The following RAD51B variants were observed in gnomAD, a reference collection of about 807,000 sequenced individuals.
RAD51B encodes the protein RAD51 paralog B.
Under a neutral mutation model 42.2 loss-of-function variants are expected in RAD51B, and 38 were observed. The observed-to-expected ratio is 0.90, with a 90% CI of 0.70 to 1.18. The LOEUF (loss-of-function observed/expected upper bound fraction) is 1.18. Among genes scored for constraint, RAD51B ranks in the 50% most tolerant of loss-of-function variants. RAD51B has a pLI of 0.00. For synonymous variants in RAD51B, 154 were observed against 145.2 expected (o/e 1.06, Z -0.43); for missense variants, 373 against 400.7 (o/e 0.93, Z 0.59).
At chr14:68,039,297 G>T (rs1023302818) in intron 7 of RAD51B, among the ~76,000 whole-genome samples, 1 of 151,744 alleles carries the variant, frequency 6.6e-6, no homozygotes, top group Non-Finnish European at 1.5e-5. Flanking sequence ...GTGTGGTGGC[G>T]CATGCCTGTA....
At chr14:68,007,248 A>T (rs1365422097) in intron 7 of RAD51B, among the ~76,000 whole-genome samples, 1 of 152,102 alleles carries the variant, frequency 6.6e-6, no homozygotes, top group Non-Finnish European at 1.5e-5. Context: ...CAGTGTATGG[A>T]TATACCACAT....
At chr14:67,947,267 T>A (rs541351158) in intron 7 of RAD51B, among the ~76,000 whole-genome samples, 17 of 152,236 alleles carry the variant, frequency 1.1e-4, no homozygotes, top group Non-Finnish European at 1.2e-4. Context: ...TCCAGTTGAT[T>A]AGCTTCTTGT....
chr14:68,351,012 C>T (rs1243251826), intron 8 of RAD51B, among the ~76,000 whole-genome samples: 2 of 152,202 alleles, frequency 1.3e-5, no homozygotes, highest in Non-Finnish European at 2.9e-5. Context: ...TTCAGTAGCT[C>T]CACTGAATTC....
Position 68,256,933 on chromosome 14 carries a change from C to A in RAD51B, c.757-34951C>A, listed in dbSNP as rs113174360. Among the ~76,000 whole-genome samples, 107 of 152,222 alleles carry A rather than the reference C, an allele frequency of 7.0e-4. 1 individual carries two copies. Among genetic ancestry groups the A allele is most frequent in the African/African-American group, 2.5e-3 (104 of 41,518 alleles). ...ACATAAGTATATTTCAAGAGCAAAG[C>A]TCATATTTTAACACTTTATTTCTGG... On this transcript the variant is annotated intron_variant, in intron 7 of 10. Transcript: ENST00000471583.
intron 7 of RAD51B, among the ~76,000 whole-genome samples, chr14:68,199,534 G>A (rs2079440637): frequency 6.6e-6 from 1 of 152,126 alleles, no homozygotes; most frequent in East Asian, 1.9e-4. Flanking sequence ...GAGTCTATAG[G>A]CTTGACAAAA....
At chr14:68,439,838 G>T (rs2085242459) in intron 9 of RAD51B, among the ~76,000 whole-genome samples, 1 of 152,224 alleles carries the variant, frequency 6.6e-6, no homozygotes. Context: ...TTCTCCAAAA[G>T]AGGTGTGTTG....
intron 10 of RAD51B, among the ~76,000 whole-genome samples, chr14:68,573,948 G>A (rs530219846): frequency 6.7e-6 from 1 of 148,400 alleles, no homozygotes; most frequent in African/African-American, 2.5e-5. Flanking sequence ...TGCTGTGTGT[G>A]TGGGGGTGTG....
chr14:68,109,589 T>C (rs1234838654), intron 7 of RAD51B, among the ~76,000 whole-genome samples: 1 of 152,024 alleles, frequency 6.6e-6, no homozygotes, highest in Non-Finnish European at 1.5e-5. Context: ...AATCCTCTGC[T>C]GTAGTTGCTA....
chr14:68,247,119 C>G (rs1327975678), intron 7 of RAD51B, among the ~76,000 whole-genome samples: 1 of 152,136 alleles, frequency 6.6e-6, no homozygotes, highest in African/African-American at 2.4e-5. Context: ...ATTCTACCAG[C>G]ATTAAGTACT....
chr14:68,169,431 A>G (rs2078822350), intron 7 of RAD51B, among the ~76,000 whole-genome samples: 1 of 152,178 alleles, frequency 6.6e-6, no homozygotes, highest in African/African-American at 2.4e-5. Context: ...ATTGGTCACT[A>G]ATTTTGCATA....
chr14:67,883,362 G>C lies in RAD51B; in HGVS notation c.453-2507G>C, dbSNP rs144491021. On this transcript the variant is annotated intron_variant, in intron 5 of 10. Coordinates refer to ENST00000471583, the MANE Select transcript of RAD51B (RefSeq NM_133510.4). ...AAAAAACAAAAACCACAGACCTAAAGGTCTTATGTGATCTTGGCCTTGGCT... is the reference window on the plus strand; with the variant it reads ...AAAAAACAAAAACCACAGACCTAAACGTCTTATGTGATCTTGGCCTTGGCT... Among the ~76,000 whole-genome samples the C allele has an allele frequency of 2.7e-5, 4 of 149,556 alleles. No homozygotes were observed. In the East Asian group the frequency reaches 7.8e-4, roughly 29 times the overall value.
chr14:68,370,480 A>G (rs1037804667), intron 8 of RAD51B, among the ~76,000 whole-genome samples: 3 of 152,222 alleles, frequency 2.0e-5, no homozygotes, highest in African/African-American at 7.2e-5. Context: ...TATCCTAAGC[A>G]TAATGCAAAG....
intron 7 of RAD51B, among the ~76,000 whole-genome samples, chr14:67,953,347 G>A (rs1038028976): frequency 2.0e-5 from 3 of 152,056 alleles, no homozygotes; most frequent in African/African-American, 7.2e-5. Flanking sequence ...TTTGGGAACA[G>A]GAAGCCTGAT....
chr14:68,440,082 T>G (rs1019655664), intron 9 of RAD51B, among the ~76,000 whole-genome samples: 13 of 152,194 alleles, frequency 8.5e-5, no homozygotes, highest in South Asian at 2.1e-4. Flanking sequence ...CACCTCAGAT[T>G]CTGTAAAGAG....
Position 67,865,122 on chromosome 14 carries a change from T to C in RAD51B, c.435T>C (p.Ser145=), listed in dbSNP as rs777629735. 2.2e-4 allele frequency: 351 copies of C among 1,600,150 alleles called. No homozygotes were observed. The highest frequency in any genetic ancestry group is 2.7e-4 in the Non-Finnish European group (321 of 1,174,194). ...CTGTGGTGTACATTGACACAGAGTC[T>C]GCATTTAGTGCTGAAAGGTATGAGA... ...EGAVVYIDTE[S]AFSAERLVEI... Residue 145 remains serine (S), a synonymous_variant, in exon 5 of 11, where the codon TCT becomes TCC. Coordinates refer to ENST00000471583, the MANE Select transcript of RAD51B (RefSeq NM_133510.4).
At chr14:67,958,361 A>G (rs2074593063) in intron 7 of RAD51B, among the ~76,000 whole-genome samples, 1 of 152,194 alleles carries the variant, frequency 6.6e-6, no homozygotes, top group African/African-American at 2.4e-5. Context: ...TTGAGTGCTT[A>G]GCCTGGCTAG....
Position 67,948,166 on chromosome 14 carries a change from A to C in RAD51B, c.756+60962A>C, listed in dbSNP as rs114854287. Among the ~76,000 whole-genome samples, 1,227 of 152,300 alleles carry C rather than the reference A, an allele frequency of 8.1e-3. 15 individuals carry two copies. The highest frequency in any genetic ancestry group is 0.028 in the African/African-American group (1,151 of 41,576). On this transcript the variant is annotated intron_variant, in intron 7 of 10. Coordinates refer to ENST00000471583, the MANE Select transcript of RAD51B (RefSeq NM_133510.4). ...GTCTGGATATACATAGGCTCAGAGT[A>C]ATTTGTTATGGTCCACAGGAATATA...
At chr14:68,478,182 G>A (rs1420366452), downstream of RAD51B, 16 of 1,016,082 alleles carry the variant, frequency 1.6e-5, no homozygotes, top group Admixed American at 2.9e-4. Flanking sequence ...GGCTGGGGGC[G>A]GGCATGGGCA....
intron 11 of RAD51B, among the ~76,000 whole-genome samples, chr14:68,672,103 G>A (rs1893171223): frequency 6.6e-6 from 1 of 152,220 alleles, no homozygotes; most frequent in Non-Finnish European, 1.5e-5. Context: ...TCAGTGACAT[G>A]TTTGAAGCTG....
Sources: gnomAD v4.1 joint callset for allele counts (sites outside exome capture counted in the v4.1 genomes callset) on GRCh38, gnomAD v4.1.1 for gene constraint, MANE v1.5 for transcripts, NCBI Gene and HGNC (gene_info 2026-07-23, HGNC 2026-07-21) for gene names.